The following FRMD5 variants were observed in gnomAD, a reference collection of about 807,000 sequenced individuals.
FRMD5 encodes the protein FERM domain-containing protein 5.
Under a neutral mutation model 69.0 loss-of-function variants are expected in FRMD5, and 20 were observed. The observed-to-expected ratio is 0.29, with a 90% confidence interval of 0.20 to 0.42. The LOEUF (loss-of-function observed/expected upper bound fraction) is 0.42. Among genes scored for constraint, FRMD5 ranks in the 10% least tolerant of loss-of-function variants. The pLI, the probability that FRMD5 is intolerant of heterozygous loss-of-function variation, is 1.00. For missense variants in FRMD5, 595 were observed against 708.6 expected (o/e 0.84, Z 1.82); for synonymous variants, 271 against 260.1 (o/e 1.04, Z -0.40).
At chr15:44,099,340 A>G (rs975404469) in intron 1 of FRMD5, among the ~76,000 whole-genome samples, 1 of 152,102 alleles carries the variant, frequency 6.6e-6, no homozygotes, top group African/African-American at 2.4e-5. Flanking sequence ...AATCCTAACA[A>G]ACTCCCAGGT....
chr15:44,191,578 T>G (rs2078193879), intron 1 of FRMD5, among the ~76,000 whole-genome samples: 1 of 151,696 alleles, frequency 6.6e-6, no homozygotes. Flanking sequence ...AGAGCGAGAC[T>G]CCACCTCAAA....
chr15:44,147,943 A>G (rs2077381397), intron 1 of FRMD5, among the ~76,000 whole-genome samples: 1 of 152,156 alleles, frequency 6.6e-6, no homozygotes, highest in African/African-American at 2.4e-5. Context: ...TTCAAATATC[A>G]GTGATCTGTG....
intron 1 of FRMD5, among the ~76,000 whole-genome samples, chr15:44,167,345 G>A (rs1372538071): frequency 6.6e-6 from 1 of 151,624 alleles, no homozygotes; most frequent in Admixed American, 6.6e-5. Context: ...ACCAGCCTGG[G>A]CAACAGAGTG....
chr15:44,196,188 G>A (rs1247073596), upstream of FRMD5, among the ~76,000 whole-genome samples: 1 of 152,096 alleles, frequency 6.6e-6, no homozygotes. Flanking sequence ...TCGGCCGGGC[G>A]CAGTGGCTCA....
chr15:44,095,474 G>A (rs575375076), intron 1 of FRMD5, among the ~76,000 whole-genome samples: 6 of 152,158 alleles, frequency 3.9e-5, no homozygotes, highest in African/African-American at 1.4e-4. Context: ...CAAAGTAATG[G>A]GATTACAGGT....
intron 1 of FRMD5, among the ~76,000 whole-genome samples, chr15:43,960,410 T>C (rs2090180101): frequency 6.6e-6 from 1 of 152,142 alleles, no homozygotes; most frequent in African/African-American, 2.4e-5. Flanking sequence ...CCACCACACC[T>C]GGCTAATTTT....
intron 1 of FRMD5, among the ~76,000 whole-genome samples, chr15:44,075,916 T>G (rs1432938945): frequency 6.6e-6 from 1 of 152,182 alleles, no homozygotes; most frequent in Non-Finnish European, 1.5e-5. Flanking sequence ...TGATGGCCAG[T>G]GATGATGAGC....
intron 1 of FRMD5, among the ~76,000 whole-genome samples, chr15:44,015,560 C>A (rs935898676): frequency 1.3e-5 from 2 of 152,044 alleles, no homozygotes; most frequent in African/African-American, 2.4e-5. Flanking sequence ...TTTAAGAGTA[C>A]AACTCATTTC....
In FRMD5 at chr15:44,096,809, G is replaced by A. The variant is rs79694207; in HGVS notation, c.102+98144C>T. On this transcript the variant is annotated intron_variant, in intron 1 of 13. Transcript: ENST00000417257. ...TTCACAACCACAAATGTGTTCTTAA[G>A]GTCAATGTGCAGTCACCACTCTGTA... Among the ~76,000 whole-genome samples, 1,297 of 152,226 alleles carry A rather than the reference G, an allele frequency of 8.5e-3. 18 individuals carry two copies. The highest frequency in any genetic ancestry group is 0.029 in the African/African-American group (1,222 of 41,528).
chr15:43,989,720 T>C (rs1284763163), intron 1 of FRMD5: 2 of 997,154 alleles, frequency 2.0e-6, no homozygotes, highest in East Asian at 2.6e-5. Context: ...CCCGTCATCG[T>C]AGTCCATCAC....
At chr15:44,161,502 G>A (rs151095133) in intron 1 of FRMD5, among the ~76,000 whole-genome samples, 68 of 152,200 alleles carry the variant, frequency 4.5e-4, no homozygotes, top group Non-Finnish European at 7.4e-5. Context: ...ATTAATATCT[G>A]CAAGCAACTG....
At chr15:43,941,017 G>C (rs2089853041) in intron 1 of FRMD5, among the ~76,000 whole-genome samples, 1 of 152,172 alleles carries the variant, frequency 6.6e-6, no homozygotes, top group Non-Finnish European at 1.5e-5. Flanking sequence ...AAAAATGTTT[G>C]TTAGAATACA....
intron 1 of FRMD5, among the ~76,000 whole-genome samples, chr15:43,982,900 TCA>T (rs1307817057): frequency 2.0e-5 from 3 of 152,100 alleles, no homozygotes; most frequent in African/African-American, 7.2e-5. Context: ...AACTAGGTAG[TCA>T]CTTGCAAACT....
At chr15:44,142,275 C>T (rs1275005791) in intron 1 of FRMD5, among the ~76,000 whole-genome samples, 2 of 152,156 alleles carry the variant, frequency 1.3e-5, no homozygotes, top group South Asian at 4.1e-4. Context: ...GGTAAAATGT[C>T]CTGCTCAGTT....
chr15:44,002,907 C>T (rs1890276415), intron 1 of FRMD5, among the ~76,000 whole-genome samples: 1 of 152,100 alleles, frequency 6.6e-6, no homozygotes, highest in Admixed American at 6.5e-5. Context: ...ACTTGTAACT[C>T]CCTTTTCTAA....
chr15:43,957,062 G>A (rs971733106), intron 1 of FRMD5, among the ~76,000 whole-genome samples: 2 of 151,970 alleles, frequency 1.3e-5, no homozygotes, highest in Non-Finnish European at 2.9e-5. Context: ...TTTATATAAC[G>A]TTTTATAATT....
intron 1 of FRMD5, among the ~76,000 whole-genome samples, chr15:44,015,034 C>T (rs1023315552): frequency 4.6e-5 from 7 of 152,074 alleles, no homozygotes; most frequent in Non-Finnish European, 8.8e-5. Flanking sequence ...TGTTTTTCAC[C>T]CCAAAAGAAA....
At chr15:43,891,875 G>C in intron 8 of FRMD5, 106 bp downstream of exon 8, 1 of 856,820 alleles carries the variant, frequency 1.2e-6, no homozygotes, top group South Asian at 1.4e-5. Context: ...CTTTGGAGAG[G>C]GCTCTGAACC....
At chr15:43,958,956 C>T (rs944282737) in intron 1 of FRMD5, among the ~76,000 whole-genome samples, 12 of 152,184 alleles carry the variant, frequency 7.9e-5, no homozygotes, top group Admixed American at 2.6e-4. Flanking sequence ...TTCCAGCCCA[C>T]ACCTGGCATA....
Sources: allele counts gnomAD v4.1 joint callset (sites outside exome capture counted in the v4.1 genomes callset), GRCh38; gene constraint gnomAD v4.1.1; transcripts MANE v1.5; gene names NCBI Gene and HGNC (gene_info 2026-07-23, HGNC 2026-07-21).